The following NBAS variants were observed in gnomAD, a reference collection of about 807,000 sequenced individuals.
NBAS encodes the protein NAG/BC035112 fusion.
NBAS carries 219 observed loss-of-function variants against 302.5 expected under a neutral mutation model. The ratio of observed to expected loss-of-function variants is 0.72; its 90% CI spans 0.65 to 0.81. The LOEUF is 0.81. Among genes scored for constraint, NBAS ranks in the 30% least tolerant of loss-of-function variants. The probability of loss-of-function intolerance (pLI) is 0.00; values close to 1 mark genes in which losing one functional copy is unlikely to be tolerated. For missense variants in NBAS, 2,932 were observed against 2,841.6 expected (o/e 1.03, Z -0.72); for synonymous variants, 1,118 against 1,021.6 (o/e 1.09, Z -1.80).
At chr2:15,323,827 C>T (rs1671934941) in intron 38 of NBAS, among the ~76,000 whole-genome samples, 1 of 151,178 alleles carries the variant, frequency 6.6e-6, no homozygotes, top group Non-Finnish European at 1.5e-5. Context: ...ACAGCAAGAC[C>T]CTGTCTCAAA....
At chr2:15,465,869 T>A (rs1030842265) in intron 19 of NBAS, among the ~76,000 whole-genome samples, 4 of 152,178 alleles carry the variant, frequency 2.6e-5, no homozygotes, top group African/African-American at 9.6e-5. Flanking sequence ...AGGCACTTTT[T>A]AAAAAAGATA....
chr2:15,458,052 T>C (rs945722399), intron 21 of NBAS, among the ~76,000 whole-genome samples: 1 of 152,156 alleles, frequency 6.6e-6, no homozygotes, highest in South Asian at 2.1e-4. Context: ...ATATTTTCAG[T>C]ATACTCACTA....
the NBAS span, among the ~76,000 whole-genome samples, chr2:15,084,375 T>C: frequency 1.2e-4 from 19 of 152,206 alleles, no homozygotes; most frequent in Non-Finnish European, 2.1e-4. Context: ...GTTGCTTTTA[T>C]TTATATGATC....
the NBAS span, among the ~76,000 whole-genome samples, chr2:15,028,074 C>G: frequency 6.6e-6 from 1 of 152,104 alleles, no homozygotes; most frequent in Non-Finnish European, 1.5e-5. Context: ...CATAAATGCA[C>G]AGTTTTAAAG....
At position 15,275,592 on chromosome 2, in the gene NBAS, C is replaced by T. The variant is rs1466953966; in HGVS notation, c.5616G>A (p.Glu1872=). The change falls in exon 44 of 52, where the codon GAG becomes GAA. Residue 1872 remains glutamate, a synonymous_variant. Transcript: ENST00000281513. The part of the protein sequence containing the change: ...LIKQVPGSSP[E]WLHAYDVCMK... Reference sequence around the variant, plus strand: ...TGCAGACATCATAGGCATGAAGCCACTCCGGTGAAGAGCCTGGGACTTGTT... The same window carrying T: ...TGCAGACATCATAGGCATGAAGCCATTCCGGTGAAGAGCCTGGGACTTGTT... The T allele has an allele frequency of 2.5e-6, 4 of 1,614,154 alleles. No homozygotes were observed. The highest frequency in any genetic ancestry group is 3.4e-6 in the Non-Finnish European group (4 of 1,180,020).
intron 22 of NBAS, 93 bp from the exon 23 acceptor site, chr2:15,424,561 AAAGT>A: frequency 1.4e-6 from 2 of 1,400,872 alleles, no homozygotes; most frequent in Non-Finnish European, 2.0e-6. Flanking sequence ...AGATGGGGAG[AAAGT>A]AAGAGACAGG....
intron 11 of NBAS, among the ~76,000 whole-genome samples, chr2:15,499,824 CG>C (rs1420340937): frequency 6.6e-6 from 1 of 151,960 alleles, no homozygotes; most frequent in Admixed American, 6.6e-5. Flanking sequence ...TATTTTAAAA[CG>C]TTTTGAGAAG....
chr2:15,082,520 C>A, the NBAS span, among the ~76,000 whole-genome samples: 2 of 152,152 alleles, frequency 1.3e-5, no homozygotes, highest in Non-Finnish European at 2.9e-5. Context: ...CCATGCTGCA[C>A]CCCAGCTCCT....
At chr2:15,519,392 G>T (rs992417230) in intron 9 of NBAS, among the ~76,000 whole-genome samples, 9 of 151,992 alleles carry the variant, frequency 5.9e-5, no homozygotes, top group Non-Finnish European at 1.2e-4. Flanking sequence ...AATATGAGCA[G>T]AATCCACCAC....
intron 21 of NBAS, among the ~76,000 whole-genome samples, chr2:15,429,024 T>TCAGGAGGCTGAGGCAG (rs1553311123): frequency 7.0e-6 from 1 of 142,012 alleles, no homozygotes; most frequent in African/African-American, 2.7e-5. Flanking sequence ...GGTGACAGAC[T>TCAGGAGGCTGAGGCAG]GATACTCTGT....
At chr2:15,084,270 C>A in the NBAS span, among the ~76,000 whole-genome samples, 1 of 152,044 alleles carries the variant, frequency 6.6e-6, no homozygotes, top group East Asian at 1.9e-4. Flanking sequence ...GCCATGTTGC[C>A]CAGGCTGGTC....
At chr2:14,985,301 C>T in the NBAS span, among the ~76,000 whole-genome samples, 12 of 152,326 alleles carry the variant, frequency 7.9e-5, no homozygotes, top group African/African-American at 2.9e-4. Flanking sequence ...GAAACACTGT[C>T]AGTCCTGCCC....
intron 6 of NBAS, among the ~76,000 whole-genome samples, chr2:15,550,629 C>T (rs1007062536): frequency 6.6e-6 from 1 of 150,878 alleles, no homozygotes; most frequent in African/African-American, 2.4e-5. Flanking sequence ...CTCTGTTGTC[C>T]ATGCTGGAGT....
chr2:15,212,549 C>T (rs1321463207), intron 48 of NBAS, among the ~76,000 whole-genome samples: 1 of 152,148 alleles, frequency 6.6e-6, no homozygotes, highest in African/African-American at 2.4e-5. Context: ...CCCCTGTGTA[C>T]TGTGCAGACT....
chr2:15,144,822 C>T, the NBAS span, among the ~76,000 whole-genome samples: 2 of 152,152 alleles, frequency 1.3e-5, no homozygotes, highest in East Asian at 3.8e-4. Context: ...GGTTTTAGCA[C>T]ATGCATGTTT....
chr2:15,065,827 C>T, the NBAS span, among the ~76,000 whole-genome samples: 59 of 152,036 alleles, frequency 3.9e-4, no homozygotes, highest in Non-Finnish European at 7.8e-4. Flanking sequence ...ATAAAGCAAT[C>T]TACAGATTCA....
the NBAS span, among the ~76,000 whole-genome samples, chr2:14,843,710 C>T: frequency 1.3e-5 from 2 of 152,114 alleles, no homozygotes; most frequent in African/African-American, 2.4e-5. Context: ...TCACACCTCC[C>T]TCATCCCCAG....
the NBAS span, among the ~76,000 whole-genome samples, chr2:14,843,583 A>G: frequency 6.4e-5 from 6 of 94,160 alleles, no homozygotes; most frequent in African/African-American, 7.9e-4. Context: ...CACACACACA[A>G]AAATACCTTC....
At chr2:14,915,945 T>C in the NBAS span, among the ~76,000 whole-genome samples, 2 of 152,148 alleles carry the variant, frequency 1.3e-5, no homozygotes, top group South Asian at 2.1e-4. Context: ...TTGGTTCTCC[T>C]TGCCTACTGC....
Sources: allele counts gnomAD v4.1 joint callset (sites outside exome capture counted in the v4.1 genomes callset), GRCh38; gene constraint gnomAD v4.1.1; transcripts MANE v1.5; gene names NCBI Gene and HGNC (gene_info 2026-07-23, HGNC 2026-07-21).